The following PPOX variants were observed in gnomAD, a reference collection of about 807,000 sequenced individuals.
The protein encoded by PPOX is protoporphyrinogen oxidase, also known as variegate porphyria.
Under a neutral mutation model 54.1 loss-of-function variants are expected in PPOX, and 23 were observed. The observed-to-expected ratio is 0.43, with a 90% CI of 0.31 to 0.60. The LOEUF is 0.60. PPOX is among the 20% of genes least tolerant of loss of function. The pLI is 0.13. For missense variants in PPOX, 512 were observed against 601.1 expected, an observed-to-expected ratio of 0.85 and a Z score of 1.55; for synonymous variants, 224 against 236.1, an observed-to-expected ratio of 0.95 and a Z score of 0.47.
At chr1:161,170,320 G>GGGGGGGGGGGCCCCCC in intron 9 of PPOX, 89 bp from the exon 10 acceptor site, 2 of 494,786 alleles carry the variant, frequency 4.0e-6, no homozygotes, top group Admixed American at 2.4e-5. Flanking sequence ...GTGAGACTCT[G>GGGGGGGGGGGCCCCCC]TCCCCCCCAC....
chr1:161,171,273 G>A (rs1225816718), downstream of PPOX: 4 of 1,590,192 alleles, frequency 2.5e-6, no homozygotes, highest in Admixed American at 6.7e-5. Flanking sequence ...GCAGCAAAGA[G>A]GCAAAGTGTG....
Position 161,168,530 on chromosome 1 carries a change from T to G in PPOX, c.570T>G (p.Ala190=). The change falls in exon 6 of 13, where the codon GCT becomes GCG. Residue 190 remains alanine (A), a synonymous_variant. Coordinates refer to ENST00000367999, the MANE Select transcript of PPOX (RefSeq NM_001122764.3). ...IRSCFPSLFQ[A]EQTHRSILLG... ...CCTGCTTTCCCAGTCTCTTCCAAGC[T>G]GAGCAAACCCATCGTTCCATATTAC... 6.2e-7 allele frequency: 1 copy of G among 1,614,152 alleles called. No individual in the cohort carries two copies. Among genetic ancestry groups the G allele is most frequent in the Non-Finnish European group, 8.5e-7 (1 of 1,180,034 alleles).
upstream of PPOX, chr1:161,166,232 A>G: frequency 1.0e-6 from 1 of 966,774 alleles, no homozygotes; most frequent in Non-Finnish European, 1.2e-6. Context: ...CTCGGTCCTG[A>G]GGAGGGCAGT....
rs765069048 is a variant in PPOX at position 161,169,730 on chromosome 1, T to G, written c.868+10T>G. 6.2e-7 allele frequency: 1 copy of G among 1,614,066 alleles called. No homozygotes were observed. The highest frequency in any genetic ancestry group is 1.3e-5 in the African/African-American group (1 of 74,954). Reference sequence around the variant, plus strand: ...GCCATTCCAGCTTCAGGTAATGGAATAGCCACCTTCCCCTTCCCCAACCCC... The same window carrying G: ...GCCATTCCAGCTTCAGGTAATGGAAGAGCCACCTTCCCCTTCCCCAACCCC... On this transcript the variant is annotated intron_variant, in intron 8 of 12. Coordinates refer to ENST00000367999, the MANE Select transcript of PPOX (RefSeq NM_001122764.3).
chr1:161,166,036 C>T, upstream of PPOX: 1 of 954,186 alleles, frequency 1.0e-6, no homozygotes. Flanking sequence ...CTCCCGTAGG[C>T]CCGGTCTGTT....
chr1:161,170,571 C>T (rs768515213), intron 10 of PPOX, 49 bp from the exon 11 acceptor site: 10 of 1,614,034 alleles, frequency 6.2e-6, no homozygotes, highest in Non-Finnish European at 8.5e-6. Context: ...CTCCTCTGTG[C>T]TCCATTGTAG....
intron 4 of PPOX, chr1:161,176,482 C>T (rs1391468266): frequency 8.1e-6 from 3 of 370,156 alleles, no homozygotes; most frequent in Non-Finnish European, 1.5e-5. Flanking sequence ...CAGGGGGTCC[C>T]GGGGGGACAG....
chr1:161,165,774 A>C, upstream of PPOX: 1 of 210,574 alleles, frequency 4.7e-6, no homozygotes. Context: ...AACTGAGCCA[A>C]ATTGGAGTCT....
downstream of PPOX, chr1:161,171,656 C>T (rs987716260): frequency 4.9e-6 from 5 of 1,030,424 alleles, no homozygotes; most frequent in Non-Finnish European, 6.9e-6. Flanking sequence ...TCTACAGGAG[C>T]CCAGCTCCAG....
At chr1:161,171,962 G>A (rs762986792), downstream of PPOX, 1 of 1,614,010 alleles carries the variant, frequency 6.2e-7, no homozygotes, top group African/African-American at 1.3e-5. Flanking sequence ...GGACCCCGAG[G>A]GTCAGTCCCA....
intron 4 of PPOX, chr1:161,176,755 A>AG: frequency 1.0e-6 from 1 of 972,370 alleles, no homozygotes; most frequent in African/African-American, 1.6e-5. Flanking sequence ...GATAAGTGTC[A>AG]GGTTCATACT....
In PPOX at chr1:161,169,173, G is replaced by A; in HGVS notation, c.797G>A (p.Gly266Glu). 6.2e-7 allele frequency: 1 copy of A among 1,613,928 alleles called. No individual in the cohort carries two copies. The highest frequency in any genetic ancestry group is 2.2e-5 in the East Asian group (1 of 44,890). ...TGTGGGCTCAGCCTCCAGGCAGAAG[G>A]GCGCTGGAAGGTAGGGGAACCCCTG... ...PVCGLSLQAE[G>E]RWKVSLRDSS... Residue 266 changes from glycine (G) to glutamate (E), a missense_variant, in exon 7 of 13, where the codon GGG becomes GAG. Gly to Glu is a moderately conservative substitution (Grantham distance 98). Transcript: ENST00000367999.
chr1:161,166,138 G>A (rs1230792312), upstream of PPOX: 1 of 985,228 alleles, frequency 1.0e-6, no homozygotes, highest in East Asian at 1.1e-4. Flanking sequence ...AGCTCCTGCG[G>A]CCTTCCCTCT....
In PPOX at chr1:161,166,930, C is replaced by G. The variant is rs374585133; in HGVS notation, c.83C>G (p.Pro28Arg). The G allele has an allele frequency of 1.9e-5, 31 of 1,613,872 alleles. No homozygotes were observed. Among genetic ancestry groups the G allele is most frequent in the South Asian group, 1.6e-4 (15 of 91,086 alleles). Reference sequence around the variant, plus strand: ...CACCTGAGCCGGGCCCCCTGCCCCCCTAAGGTGAGTGCTCCACTTGTGCCA... The same window carrying G: ...CACCTGAGCCGGGCCCCCTGCCCCCGTAAGGTGAGTGCTCCACTTGTGCCA... ...SYHLSRAPCPPKVVLVESSER... is the reference protein window; with the variant it reads ...SYHLSRAPCPRKVVLVESSER... Residue 28 changes from proline (P) to arginine (R), a missense_variant, in exon 2 of 13, where the codon CCT (proline) becomes CGT (arginine). Transcript: ENST00000367999.
chr1:161,176,925 G>T, exon 5 of PPOX: 1 of 1,536,236 alleles, frequency 6.5e-7, no homozygotes, highest in Non-Finnish European at 8.7e-7. Context: ...GGGCGAAGTA[G>T]GAAACAGGCT....
chr1:161,171,771 C>T, downstream of PPOX: 3 of 1,603,398 alleles, frequency 1.9e-6, no homozygotes, highest in Non-Finnish European at 8.5e-7. Context: ...GAGAATACAA[C>T]CCCATGAATT....
downstream of PPOX, among the ~76,000 whole-genome samples, chr1:161,172,632 G>C (rs994859186): frequency 1.3e-5 from 2 of 152,190 alleles, no homozygotes. Context: ...AGGACGCAGA[G>C]AGAGGCCATT....
chr1:161,167,677 G>A lies in PPOX; in HGVS notation c.338+191G>A, dbSNP rs953628952. 4.8e-6 allele frequency: 4 copies of A among 832,208 alleles called. No homozygotes were observed. The African/African-American group carries it at 7.4e-5, about 15-fold the overall frequency. 51.6% of individuals were successfully genotyped at this position (832,208 alleles called of 1,614,324 possible). ...CCTTTCGGGTTCAAGCGATTCTCCT[G>A]CCTCAGCCTCCCGAGTAGCTGGGAC... On this transcript the variant is annotated intron_variant, in intron 4 of 12. Transcript: ENST00000367999.
chr1:161,168,099 G>T lies in PPOX; in HGVS notation c.443G>T (p.Ser148Ile). ...RGKEPDETVH[S>I]FAQRRLGPEV... is the part of the protein sequence containing the mutation. ...AAAGAGCCTGATGAGACTGTGCACA[G>T]TTTTGCCCAGCGCCGCCTTGGACCT... The change falls in exon 5 of 13, where the codon AGT becomes ATT. Residue 148 changes from serine (S) to isoleucine (I), a missense_variant. Transcript: ENST00000367999. The T allele has an allele frequency of 1.2e-6, 2 of 1,614,158 alleles. No homozygotes were observed. Among genetic ancestry groups the T allele is most frequent in the Non-Finnish European group, 1.7e-6 (2 of 1,180,028 alleles).
Sources: gnomAD v4.1 joint callset for allele counts (sites outside exome capture counted in the v4.1 genomes callset) on GRCh38, gnomAD v4.1.1 for gene constraint, MANE v1.5 for transcripts, NCBI Gene and HGNC (gene_info 2026-07-23, HGNC 2026-07-21) for gene names.